Variants in TBC1D19 observed in about 807,000 individuals in gnomAD.
The protein encoded by TBC1D19 is TBC1 domain family member 19, also known as TBC1 domain family, member 19.
Under a neutral mutation model 89.0 loss-of-function variants are expected in TBC1D19, and 60 were observed. The ratio of observed to expected loss-of-function variants is 0.67; its 90% confidence interval spans 0.55 to 0.84. The LOEUF (loss-of-function observed/expected upper bound fraction) is 0.84. Among genes scored for constraint, TBC1D19 ranks in the 40% least tolerant of loss-of-function variants. The pLI is 0.00. For synonymous variants in TBC1D19, 189 were observed against 199.7 expected, an observed-to-expected ratio of 0.95 and a Z score of 0.45; for missense variants, 500 against 610.8, an observed-to-expected ratio of 0.82 and a Z score of 1.91.
chr4:26,661,118 A>G (rs775196779), intron 8 of TBC1D19, among the ~76,000 whole-genome samples: 1 of 152,154 alleles, frequency 6.6e-6, no homozygotes, highest in Non-Finnish European at 1.5e-5. Flanking sequence ...GATTCCCATC[A>G]CCATGCCTAC....
intron 7 of TBC1D19, among the ~76,000 whole-genome samples, chr4:26,655,977 G>A (rs963334911): frequency 6.6e-6 from 1 of 152,116 alleles, no homozygotes; most frequent in Non-Finnish European, 1.5e-5. Context: ...GCTGGGAGCT[G>A]TAGACTGGAG....
At chr4:26,842,648 T>C in the TBC1D19 span, among the ~76,000 whole-genome samples, 1,323 of 132,072 alleles carry the variant, frequency 0.01, 27 homozygotes, top group African/African-American at 0.037. Context: ...TTCTTTCTTT[T>C]TCTTTCTTCT....
chr4:26,640,334 T>C (rs960710436), intron 7 of TBC1D19, 147 bp downstream of exon 7: 12 of 609,624 alleles, frequency 2.0e-5, no homozygotes, highest in African/African-American at 3.8e-5. Context: ...AGATCTGTGT[T>C]TGAAAATTAC....
the TBC1D19 span, among the ~76,000 whole-genome samples, chr4:26,823,430 TGA>T: frequency 2.0e-5 from 3 of 152,136 alleles, no homozygotes; most frequent in African/African-American, 4.8e-5. Flanking sequence ...TTTGGGTTAA[TGA>T]GAGAGGTGAC....
chr4:26,788,886 A>G, the TBC1D19 span, among the ~76,000 whole-genome samples: 1 of 152,230 alleles, frequency 6.6e-6, no homozygotes, highest in Admixed American at 6.5e-5. Context: ...TTAGGGTGGG[A>G]GTCGCTGAGC....
the TBC1D19 span, among the ~76,000 whole-genome samples, chr4:26,828,286 G>T: frequency 1.3e-5 from 2 of 152,224 alleles, no homozygotes; most frequent in African/African-American, 4.8e-5. Flanking sequence ...AACTGCCTTA[G>T]AAGGAGGCAA....
chr4:26,694,068 C>T (rs1163934777), intron 13 of TBC1D19, among the ~76,000 whole-genome samples: 1 of 151,978 alleles, frequency 6.6e-6, no homozygotes, highest in African/African-American at 2.4e-5. Flanking sequence ...GTGGGTGCAG[C>T]CCACCGAGTG....
chr4:26,737,139 T>C (rs561538496), intron 16 of TBC1D19, among the ~76,000 whole-genome samples: 1 of 152,124 alleles, frequency 6.6e-6, no homozygotes, highest in Non-Finnish European at 1.5e-5. Flanking sequence ...AATATAAAAC[T>C]ATCGTTCAAT....
chr4:26,805,622 C>G, the TBC1D19 span, among the ~76,000 whole-genome samples: 1 of 152,160 alleles, frequency 6.6e-6, no homozygotes, highest in Admixed American at 6.5e-5. Context: ...TAGGGATAAC[C>G]CAGACCCCAT....
intron 17 of TBC1D19, among the ~76,000 whole-genome samples, chr4:26,741,860 T>C (rs1578008629): frequency 1.3e-5 from 2 of 152,336 alleles, no homozygotes; most frequent in East Asian, 1.9e-4. Flanking sequence ...TCTGCTTAAA[T>C]TGGTTTTGTA....
At chr4:26,814,710 A>G in the TBC1D19 span, among the ~76,000 whole-genome samples, 72 of 152,300 alleles carry the variant, frequency 4.7e-4, no homozygotes, top group African/African-American at 2.4e-4. Context: ...CAGTGTTTTT[A>G]TAGCTTTATC....
chr4:26,834,999 G>A, the TBC1D19 span, among the ~76,000 whole-genome samples: 1 of 152,268 alleles, frequency 6.6e-6, no homozygotes, highest in South Asian at 2.1e-4. Flanking sequence ...CCCTGTGGTA[G>A]GCAGAATAAT....
chr4:26,701,769 A>G (rs1456023353), intron 13 of TBC1D19, among the ~76,000 whole-genome samples: 2 of 152,188 alleles, frequency 1.3e-5, no homozygotes, highest in African/African-American at 2.4e-5. Context: ...TAAACTAAAT[A>G]TCTACCACTT....
At chr4:26,804,529 C>T in the TBC1D19 span, among the ~76,000 whole-genome samples, 4 of 152,230 alleles carry the variant, frequency 2.6e-5, no homozygotes, top group Non-Finnish European at 5.9e-5. Context: ...CCCTCGCTAG[C>T]CTTTCACCTG....
the TBC1D19 span, among the ~76,000 whole-genome samples, chr4:26,837,115 A>G: frequency 6.6e-6 from 1 of 152,184 alleles, no homozygotes; most frequent in African/African-American, 2.4e-5. Flanking sequence ...GTGAAAATCA[A>G]CCTATTTGGT....
Position 26,577,363 on chromosome 4 carries a change from T to G in TBC1D19, c.6+566T>G, listed in dbSNP as rs185700936. Among the ~76,000 whole-genome samples the G allele has an allele frequency of 5.4e-4, 82 of 152,184 alleles. 1 individual carries two copies. The highest frequency in any genetic ancestry group is 4.8e-3 in the Admixed American group (74 of 15,268). On this transcript the variant is annotated intron_variant, in intron 1 of 12. Transcript: ENST00000512840. ...TTTGTTGGACTCCTCTTGGGAACTT[T>G]GAGTGATACACCTCTCTTGTCATTT... is the stretch of plus-strand genomic sequence containing the variant.
At chr4:26,627,339 G>T (rs1051942608) in intron 4 of TBC1D19, among the ~76,000 whole-genome samples, 1 of 152,074 alleles carries the variant, frequency 6.6e-6, no homozygotes, top group Admixed American at 6.6e-5. Context: ...GAATAGTGGC[G>T]CAATAAACAT....
intron 1 of TBC1D19, among the ~76,000 whole-genome samples, chr4:26,606,386 G>T (rs1741003899): frequency 6.6e-6 from 1 of 152,166 alleles, no homozygotes; most frequent in African/African-American, 2.4e-5. Context: ...GAAGCCTTCA[G>T]AGAAGACCCA....
chr4:26,576,949 G>T (rs970650185), intron 1 of TBC1D19: 7 of 422,946 alleles, frequency 1.7e-5, no homozygotes, highest in African/African-American at 1.2e-4. Context: ...TTGCTATAAA[G>T]GTATTTTTGT....
Sources: allele counts gnomAD v4.1 joint callset (sites outside exome capture counted in the v4.1 genomes callset), GRCh38; gene constraint gnomAD v4.1.1; transcripts MANE v1.5; gene names NCBI Gene and HGNC (gene_info 2026-07-23, HGNC 2026-07-21).